Variants in TMEM178B observed in about 807,000 individuals in gnomAD.
TMEM178B encodes transmembrane protein 178B.
Under a neutral mutation model 31.0 loss-of-function variants are expected in TMEM178B, and 5 were observed. The ratio of observed to expected loss-of-function variants is 0.16; its 90% CI spans 0.08 to 0.34. The LOEUF (loss-of-function observed/expected upper bound fraction) is 0.34. TMEM178B is among the 10% of genes least tolerant of loss of function. TMEM178B has a pLI of 1.00. For missense variants in TMEM178B, 275 were observed against 400.3 expected (o/e 0.69, Z 2.67); for synonymous variants, 164 against 164.0 (o/e 1.00, Z 0.00).
At chr7:141,142,614 A>G (rs1208456380) in intron 1 of TMEM178B, among the ~76,000 whole-genome samples, 1 of 151,978 alleles carries the variant, frequency 6.6e-6, no homozygotes, top group African/African-American at 2.4e-5. Flanking sequence ...TCACTGTGTT[A>G]GCCAGGATGG....
At chr7:141,133,661 C>T (rs1795630429) in intron 1 of TMEM178B, among the ~76,000 whole-genome samples, 1 of 152,042 alleles carries the variant, frequency 6.6e-6, no homozygotes, top group Admixed American at 6.6e-5. Context: ...CGTAGAAAAC[C>T]CATTTAACAA....
chr7:141,432,146 C>CTTTTTTTT (rs71170797), intron 2 of TMEM178B, among the ~76,000 whole-genome samples: 13 of 79,080 alleles, frequency 1.6e-4, no homozygotes, highest in African/African-American at 4.6e-4. Flanking sequence ...TTCACTGCAT[C>CTTTTTTTT]TTTTTTTTTT....
At chr7:141,260,747 T>C (rs1444801790) in intron 2 of TMEM178B, among the ~76,000 whole-genome samples, 1 of 152,190 alleles carries the variant, frequency 6.6e-6, no homozygotes, top group East Asian at 1.9e-4. Flanking sequence ...TATTTTCAAA[T>C]TAATAAATCT....
chr7:141,074,717 C>T lies in TMEM178B; in HGVS notation c.382+25C>T, dbSNP rs878921930. The T allele has an allele frequency of 3.2e-5, 46 of 1,452,646 alleles. No homozygotes were observed. Among genetic ancestry groups the T allele is most frequent in the South Asian group, 2.8e-4 (20 of 70,720 alleles). 90.0% of individuals were successfully genotyped at this position (1,452,646 alleles called of 1,614,324 possible). A position where few individuals can be genotyped will look rare whatever the true frequency, so the allele number is the denominator to read the frequency against. The stretch of plus-strand genomic sequence containing the variant: ...GGTAAGCGCCGGGCGCAAGGCGTGG[C>T]GCTGCGGAGAGCCCGGCGCCTTTAG... On this transcript the variant is annotated intron_variant, in intron 1 of 3. Coordinates refer to ENST00000565468, the MANE Select transcript of TMEM178B (RefSeq NM_001195278.2). The surrounding 1 kb of genome is among the most constrained non-coding windows in gnomAD (Gnocchi z 5.1).
At position 141,310,847 on chromosome 7, in the gene TMEM178B, C is replaced by T. The variant is rs555783662; in HGVS notation, c.496+98143C>T. Among the ~76,000 whole-genome samples, 16 of 152,252 alleles carry T rather than the reference C, an allele frequency of 1.1e-4. 1 individual carries two copies. The highest frequency in any genetic ancestry group is 2.1e-4 in the South Asian group (1 of 4,826). Reference sequence around the variant, plus strand: ...TCATTCTATTATAAAGATACATGCACGCGTATGTTCATTGCAACACTATTC... The same window carrying T: ...TCATTCTATTATAAAGATACATGCATGCGTATGTTCATTGCAACACTATTC... On this transcript the variant is annotated intron_variant, in intron 2 of 3. Transcript: ENST00000565468.
chr7:141,374,080 G>A (rs1800167734), intron 2 of TMEM178B, among the ~76,000 whole-genome samples: 1 of 152,168 alleles, frequency 6.6e-6, no homozygotes, highest in South Asian at 2.1e-4. Flanking sequence ...TGTAGCTGAT[G>A]ACATGGGAAG....
intron 2 of TMEM178B, among the ~76,000 whole-genome samples, chr7:141,346,137 C>T (rs929442989): frequency 3.4e-4 from 52 of 152,036 alleles, no homozygotes; most frequent in African/African-American, 1.1e-3. Context: ...AGGAGAATAG[C>T]GAGAACCCAG....
intron 2 of TMEM178B, among the ~76,000 whole-genome samples, chr7:141,345,384 C>T (rs954815370): frequency 6.6e-6 from 1 of 152,154 alleles, no homozygotes; most frequent in Non-Finnish European, 1.5e-5. Flanking sequence ...AAAGATTTTT[C>T]AGAGAGTTTC....
intron 1 of TMEM178B, among the ~76,000 whole-genome samples, chr7:141,125,225 C>T (rs1036748923): frequency 1.3e-5 from 2 of 152,172 alleles, no homozygotes; most frequent in African/African-American, 4.8e-5. Context: ...CAAAAATTCC[C>T]AAGGCAAAAT....
At chr7:141,485,840 AT>A in the TMEM178B span, among the ~76,000 whole-genome samples, 2 of 152,178 alleles carry the variant, frequency 1.3e-5, no homozygotes, top group African/African-American at 4.8e-5. Flanking sequence ...CCACAGTTCC[AT>A]CCCCTGTCCG....
intron 2 of TMEM178B, among the ~76,000 whole-genome samples, chr7:141,329,539 G>C (rs1447839767): frequency 6.6e-6 from 1 of 152,144 alleles, no homozygotes; most frequent in Admixed American, 6.5e-5. Flanking sequence ...AAGCTTTTCT[G>C]TCATTGCAAC....
At chr7:141,307,191 C>G (rs1798828977) in intron 2 of TMEM178B, among the ~76,000 whole-genome samples, 1 of 151,778 alleles carries the variant, frequency 6.6e-6, no homozygotes, top group South Asian at 2.1e-4. Flanking sequence ...TTTTTCTGAA[C>G]TATAATGCTT....
At chr7:141,242,643 GT>G (rs1355907081) in intron 2 of TMEM178B, among the ~76,000 whole-genome samples, 1 of 150,460 alleles carries the variant, frequency 6.6e-6, no homozygotes, top group African/African-American at 2.4e-5. Context: ...CCAGGTTCAA[GT>G]GATTCTCCTG....
rs531815410 is a variant in TMEM178B, at chr7:141,411,613, G to A, written c.497-25995G>A. Reference sequence around the variant, plus strand: ...AAATGGATTATGTATAATTTGGGTTGTTCACAAAAATCATCGTGTTTGTTT... The same window carrying A: ...AAATGGATTATGTATAATTTGGGTTATTCACAAAAATCATCGTGTTTGTTT... On this transcript the variant is annotated intron_variant, in intron 2 of 3. Coordinates refer to ENST00000565468, the MANE Select transcript of TMEM178B (RefSeq NM_001195278.2). Among the ~76,000 whole-genome samples the A allele has an allele frequency of 2.6e-5, 4 of 152,266 alleles. No homozygotes were observed. In the East Asian group the frequency reaches 7.7e-4, roughly 29 times the overall value.
At chr7:141,280,848 C>A (rs1289775295) in intron 2 of TMEM178B, among the ~76,000 whole-genome samples, 1 of 152,200 alleles carries the variant, frequency 6.6e-6, no homozygotes, top group Non-Finnish European at 1.5e-5. Flanking sequence ...CTGCTGGCCA[C>A]AGTTGGAGGC....
chr7:141,242,526 T>C (rs1168300627), intron 2 of TMEM178B, among the ~76,000 whole-genome samples: 1 of 143,862 alleles, frequency 7.0e-6, no homozygotes. Flanking sequence ...ATTACCTACC[T>C]TCCCGATTCT....
At chr7:141,436,657 G>T (rs1036204361) in intron 2 of TMEM178B, among the ~76,000 whole-genome samples, 2 of 152,034 alleles carry the variant, frequency 1.3e-5, no homozygotes, top group South Asian at 2.1e-4. Context: ...CGGTGGGCAC[G>T]TGGAAGGGTA....
At chr7:141,324,427 T>TG (rs1799153234) in intron 2 of TMEM178B, among the ~76,000 whole-genome samples, 3 of 51,448 alleles carry the variant, frequency 5.8e-5, no homozygotes, top group African/African-American at 2.5e-4. Flanking sequence ...TTTTTTTTTT[T>TG]TTTTTTTTTT....
At position 141,074,219 on chromosome 7, in the gene TMEM178B, C is replaced by T; in HGVS notation, c.-92C>T. 33 of 1,434,054 alleles carry T rather than the reference C, an allele frequency of 2.3e-5. No homozygotes were observed. The highest frequency in any genetic ancestry group is 3.0e-5 in the Non-Finnish European group (33 of 1,097,096). The allele number at this position is 1,434,054 out of a possible 1,614,324, so 88.8% of individuals were successfully genotyped here. A position where few individuals can be genotyped will look rare whatever the true frequency, so the allele number is the denominator to read the frequency against. On this transcript the variant is annotated 5_prime_UTR_variant, in exon 1 of 4. Coordinates refer to ENST00000565468, the MANE Select transcript of TMEM178B (RefSeq NM_001195278.2). This position sits in a 1 kb window ranked among gnomAD's most constrained non-coding sequence, Gnocchi z 5.1. ...CGAGTCCCTCTCCTGCCCCCTCCCC[C>T]AGCTCGGCCGCCCGCCGCTTTGTTC... is the stretch of plus-strand genomic sequence containing the variant.
Sources: allele counts gnomAD v4.1 joint callset (sites outside exome capture counted in the v4.1 genomes callset), GRCh38; gene constraint gnomAD v4.1.1; non-coding constraint Gnocchi (gnomAD v3.1); transcripts MANE v1.5; gene names NCBI Gene and HGNC (gene_info 2026-07-23, HGNC 2026-07-21).